The following GPR183 variants were observed in gnomAD, a reference collection of about 807,000 sequenced individuals.
GPR183 encodes the protein EBV-induced G-protein coupled receptor 2.
GPR183 carries 9 observed loss-of-function variants against 19.7 expected under a neutral mutation model. The ratio of observed to expected loss-of-function variants is 0.46; its 90% CI spans 0.28 to 0.80. GPR183 has a LOEUF of 0.80. Ranked by LOEUF, GPR183 falls within the 30% of genes least tolerant of loss-of-function variation. The probability of loss-of-function intolerance (pLI) is 0.13; values close to 1 mark genes in which losing one functional copy is unlikely to be tolerated. For synonymous variants in GPR183, 160 were observed against 155.1 expected (o/e 1.03, Z -0.24); for missense variants, 368 against 446.7 (o/e 0.82, Z 1.59).
chr13:99,297,205 C>A (rs144273970), intron 1 of GPR183, among the ~76,000 whole-genome samples: 36 of 152,136 alleles, frequency 2.4e-4, no homozygotes, highest in African/African-American at 8.7e-4. Flanking sequence ...CAATAAAGTT[C>A]TGTAGATGAG....
At chr13:99,296,239 G>A (rs529402549) in intron 1 of GPR183, 76 bp from the exon 2 acceptor site, 2 of 1,260,426 alleles carry the variant, frequency 1.6e-6, no homozygotes, top group East Asian at 2.5e-5. Flanking sequence ...TTTTAAAAAA[G>A]TTTAAATAAT....
At chr13:99,303,463 G>C (rs1222979392) in intron 1 of GPR183, among the ~76,000 whole-genome samples, 1 of 152,142 alleles carries the variant, frequency 6.6e-6, no homozygotes, top group Non-Finnish European at 1.5e-5. Flanking sequence ...GTGGCTTTTG[G>C]TGGCTTTTAT....
chr13:99,295,202 T>C lies in GPR183; in HGVS notation c.944A>G (p.Tyr315Cys), dbSNP rs1451161662. ...PFIYFFACKG[Y>C]KRKVMRMLKR... ...CAGCATCCTCATAACCTTTCTCTTATACCCTTTACATGCAAAGAAGTAGAT... is the reference window on the plus strand; with the variant it reads ...CAGCATCCTCATAACCTTTCTCTTACACCCTTTACATGCAAAGAAGTAGAT... Residue 315 changes from tyrosine (Y) to cysteine (C), a missense_variant, in exon 2 of 2, where the codon TAT (tyrosine) becomes TGT (cysteine). Physicochemically the swap from Tyr to Cys is radical, Grantham distance 194. Transcript: ENST00000376414. This position sits in a 1 kb window ranked among gnomAD's most constrained non-coding sequence, Gnocchi z 4.1. 8 of 1,614,158 alleles carry C rather than the reference T, an allele frequency of 5.0e-6. No homozygotes were observed. The highest frequency in any genetic ancestry group is 5.9e-6 in the Non-Finnish European group (7 of 1,180,014).
intron 1 of GPR183, among the ~76,000 whole-genome samples, chr13:99,299,444 G>A (rs2044224292): frequency 6.6e-6 from 1 of 150,724 alleles, no homozygotes; most frequent in African/African-American, 2.5e-5. Context: ...AGGTAGGGAA[G>A]CAAATACACA....
intron 1 of GPR183, among the ~76,000 whole-genome samples, chr13:99,297,798 C>T (rs1439140841): frequency 3.3e-5 from 5 of 150,426 alleles, no homozygotes; most frequent in East Asian, 3.9e-4. Flanking sequence ...CAGAGACTAT[C>T]GGTTTAGATT....
chr13:99,297,397 G>C (rs2044192974), intron 1 of GPR183, among the ~76,000 whole-genome samples: 1 of 152,132 alleles, frequency 6.6e-6, no homozygotes, highest in African/African-American at 2.4e-5. Flanking sequence ...GAACTATACA[G>C]TATTTCCTTA....
intron 1 of GPR183, among the ~76,000 whole-genome samples, chr13:99,301,420 TTTACTGTTATCC>T (rs2044255060): frequency 6.6e-6 from 1 of 152,234 alleles, no homozygotes; most frequent in Non-Finnish European, 1.5e-5. Flanking sequence ...TCCTTTTAAC[TTTACTGTTATCC>T]TAACATGTGT....
Position 99,294,906 on chromosome 13 carries a change from G to A in GPR183, c.*154C>T, listed in dbSNP as rs1278748337. 1.4e-6 allele frequency: 1 copy of A among 709,358 alleles called. No homozygotes were observed. The highest frequency in any genetic ancestry group is 2.3e-6 in the Non-Finnish European group (1 of 437,228). The allele number at this position is 709,358 out of a possible 1,614,324, so 43.9% of individuals were successfully genotyped here. ...GTTGTTTGCTTTATGTTGTTCTCTT[G>A]GGCTTACTTCCGAGTTGGAGATGGG... On this transcript the variant is annotated 3_prime_UTR_variant, in exon 2 of 2. Coordinates refer to ENST00000376414, the MANE Select transcript of GPR183 (RefSeq NM_004951.5).
chr13:99,300,203 G>A (rs1476756270), intron 1 of GPR183, among the ~76,000 whole-genome samples: 3 of 152,246 alleles, frequency 2.0e-5, no homozygotes, highest in Non-Finnish European at 4.4e-5. Context: ...AGCTCCAAGG[G>A]TAGCCTGTTG....
At position 99,306,524 on chromosome 13, in the gene GPR183, A is replaced by AAC. The variant is rs150201902; in HGVS notation, c.-19+814_-19+815dup. Reference sequence around the variant, plus strand: ...ACAAAATACCACGCCCCCCTCCCCCAACACACACACAAACACACATATATA... The same window carrying AAC: ...ACAAAATACCACGCCCCCCTCCCCCAACACACACACACAAACACACATATATA... On this transcript the variant is annotated intron_variant, in intron 1 of 1. Coordinates refer to ENST00000376414, the MANE Select transcript of GPR183 (RefSeq NM_004951.5). Among the ~76,000 whole-genome samples the AAC allele has an allele frequency of 9.2e-4, 139 of 151,846 alleles. 5 individuals carry two copies. In the East Asian group the frequency reaches 0.027, roughly 29 times the overall value.
At position 99,295,685 on chromosome 13, in the gene GPR183, A is replaced by C; in HGVS notation, c.461T>G (p.Phe154Cys). The change falls in exon 2 of 2, where the codon TTT becomes TGT. Residue 154 changes from phenylalanine (F) to cysteine (C), a missense_variant. Transcript: ENST00000376414. This position sits in a 1 kb window ranked among gnomAD's most constrained non-coding sequence, Gnocchi z 4.1. ...CTGAGCAAATACTAGAATCCAGACA[A>C]ATATGCACACGCCTTTTGCATGTTC... The part of the protein sequence containing the change: ...RIEHAKGVCI[F>C]VWILVFAQTL... The C allele has an allele frequency of 1.2e-6, 2 of 1,614,186 alleles. No individual in the cohort carries two copies. Among genetic ancestry groups the C allele is most frequent in the African/African-American group, 2.7e-5 (2 of 75,036 alleles).
At chr13:99,301,662 C>G (rs766851327) in intron 1 of GPR183, among the ~76,000 whole-genome samples, 8 of 151,976 alleles carry the variant, frequency 5.3e-5, no homozygotes, top group Non-Finnish European at 8.8e-5. Flanking sequence ...AATAAAAGGC[C>G]CCCCAAAACT....
chr13:99,297,860 G>A (rs955095187), intron 1 of GPR183, among the ~76,000 whole-genome samples: 1 of 151,436 alleles, frequency 6.6e-6, no homozygotes, highest in African/African-American at 2.4e-5. Context: ...ACAGCTCAAA[G>A]TGATAAAGAA....
rs2044156546 is a variant in GPR183, at chr13:99,295,499, T to TAGCAGATGAGAATGATTATAAGTGG, written c.622_646dup (p.Tyr216SerfsTer27). The TAGCAGATGAGAATGATTATAAGTGG allele has an allele frequency of 6.2e-7, 1 of 1,613,816 alleles. No homozygotes were observed. The highest frequency in any genetic ancestry group is 1.3e-5 in the African/African-American group (1 of 74,878). On this transcript the variant is annotated frameshift_variant, in exon 2 of 2. Coordinates refer to ENST00000376414, the MANE Select transcript of GPR183 (RefSeq NM_004951.5). LOFTEE classifies it high-confidence loss of function. This position sits in a 1 kb window ranked among gnomAD's most constrained non-coding sequence, Gnocchi z 4.1. ...GAAGAGTTTGCAGCAGATCTGAGAA[T>TAGCAGATGAGAATGATTATAAGTGG]AGCAGATGAGAATGATTATAAGTGG...
At chr13:99,297,669 A>C (rs2044196199) in intron 1 of GPR183, among the ~76,000 whole-genome samples, 1 of 152,174 alleles carries the variant, frequency 6.6e-6, no homozygotes, top group Non-Finnish European at 1.5e-5. Flanking sequence ...AAAACATTTT[A>C]TTATCCAGAA....
At chr13:99,306,404 T>TG (rs11441292) in intron 1 of GPR183, among the ~76,000 whole-genome samples, 3,321 of 152,060 alleles carry the variant, frequency 0.022, 98 homozygotes, top group African/African-American at 0.071. Context: ...AACTTGTGTG[T>TG]GGGGGGGCCA....
At chr13:99,297,842 G>C (rs561996971) in intron 1 of GPR183, among the ~76,000 whole-genome samples, 77 of 151,802 alleles carry the variant, frequency 5.1e-4, no homozygotes, top group Admixed American at 4.6e-3. Flanking sequence ...TTGCTGCTTA[G>C]AAGAGATACA....
Position 99,295,266 on chromosome 13 carries a change from C to T in GPR183, c.880G>A (p.Val294Ile). Residue 294 changes from valine to isoleucine, a missense_variant, in exon 2 of 2, where the codon GTA becomes ATA. By Grantham distance (29) the Val-to-Ile change is conservative. Coordinates refer to ENST00000376414, the MANE Select transcript of GPR183 (RefSeq NM_004951.5). This position sits in a 1 kb window ranked among gnomAD's most constrained non-coding sequence, Gnocchi z 4.1. ...CAGCAATTGAAGTTCATCAGGCATA[C>T]TGTAAAGTGCAGAGAAATCTGGAAC... Reference protein sequence around the residue: ...HSFQISLHFTVCLMNFNCCMD... With the variant: ...HSFQISLHFTICLMNFNCCMD... The T allele has an allele frequency of 1.2e-6, 2 of 1,614,082 alleles. No individual in the cohort carries two copies. Among genetic ancestry groups the T allele is most frequent in the Non-Finnish European group, 1.7e-6 (2 of 1,180,002 alleles).
At chr13:99,296,249 T>C (rs2044171360) in intron 1 of GPR183, 86 bp from the exon 2 acceptor site, 2 of 1,142,202 alleles carry the variant, frequency 1.8e-6, no homozygotes, top group Non-Finnish European at 2.4e-6. Context: ...GTTTAAATAA[T>C]GTATCAAAGC....
Sources: allele counts gnomAD v4.1 joint callset (sites outside exome capture counted in the v4.1 genomes callset), GRCh38; gene constraint gnomAD v4.1.1; non-coding constraint Gnocchi (gnomAD v3.1); transcripts MANE v1.5; gene names NCBI Gene and HGNC (gene_info 2026-07-23, HGNC 2026-07-21).